Variants in THNSL1 observed in about 807,000 individuals in gnomAD.
THNSL1 encodes the protein threonine synthase-like 1.
A neutral mutation model predicts 50.4 loss-of-function variants in THNSL1; 48 were observed. That is an observed-to-expected ratio of 0.95 (90% CI 0.76 to 1.21). The LOEUF (loss-of-function observed/expected upper bound fraction) is 1.21, where lower values mean the gene tolerates loss of function less well. THNSL1 is among the 50% of genes most tolerant of loss of function. THNSL1 has a pLI of 0.00. For missense variants in THNSL1, 896 were observed against 871.7 expected, an observed-to-expected ratio of 1.03 and a Z score of -0.35; for synonymous variants, 309 against 306.1, an observed-to-expected ratio of 1.01 and a Z score of -0.10.
chr10:25,013,357 T>C (rs1850494338), upstream of THNSL1, among the ~76,000 whole-genome samples: 1 of 152,236 alleles, frequency 6.6e-6, no homozygotes, highest in Non-Finnish European at 1.5e-5. Flanking sequence ...AATGCAAAAC[T>C]ATCTCCATAG....
chr10:25,005,588 T>C, the THNSL1 span, among the ~76,000 whole-genome samples: 1 of 152,200 alleles, frequency 6.6e-6, no homozygotes, highest in African/African-American at 2.4e-5. Flanking sequence ...GCCTAGGCTG[T>C]GTTAGAAAGC....
At chr10:24,980,711 TTTTG>T in the THNSL1 span, among the ~76,000 whole-genome samples, 8 of 152,038 alleles carry the variant, frequency 5.3e-5, no homozygotes, top group African/African-American at 9.7e-5. Flanking sequence ...GTTGGGTGTT[TTTTG>T]TTTGTTTGTT....
At chr10:24,963,830 C>T in the THNSL1 span, among the ~76,000 whole-genome samples, 7 of 152,134 alleles carry the variant, frequency 4.6e-5, no homozygotes, top group East Asian at 1.9e-4. Context: ...ATTCTAGGAA[C>T]GTCTGAAGAT....
the THNSL1 span, among the ~76,000 whole-genome samples, chr10:24,962,090 G>A: frequency 1.3e-3 from 199 of 152,294 alleles, no homozygotes; most frequent in Non-Finnish European, 1.4e-3. Context: ...TGTTATTAAT[G>A]ATGAACAGGT....
chr10:25,024,202 A>G lies in THNSL1; in HGVS notation c.979A>G (p.Ile327Val), dbSNP rs145829113. 1 of 1,614,068 alleles carries G rather than the reference A, an allele frequency of 6.2e-7. No individual in the cohort carries two copies. The highest frequency in any genetic ancestry group is 2.2e-5 in the East Asian group (1 of 44,896). The change falls in exon 3 of 3, where the codon ATT becomes GTT. Residue 327 changes from isoleucine to valine, a missense_variant. Transcript: ENST00000376356. ...TGGGGAAAACTTTGCCTGCTCAAAA[A>G]TTGCTCCTGTCAGGCACCTTTCAGG... Reference protein sequence around the residue: ...AYGENFACSKIAPVRHLSGNQ... With the variant: ...AYGENFACSKVAPVRHLSGNQ...
At chr10:24,978,526 A>T in the THNSL1 span, among the ~76,000 whole-genome samples, 1 of 151,058 alleles carries the variant, frequency 6.6e-6, no homozygotes, top group African/African-American at 2.4e-5. Context: ...TATAAATAAT[A>T]GCACTGGCTT....
At chr10:25,022,479 C>G (rs1850741355) in intron 2 of THNSL1, among the ~76,000 whole-genome samples, 1 of 152,120 alleles carries the variant, frequency 6.6e-6, no homozygotes, top group East Asian at 1.9e-4. Context: ...TACCTTTCAC[C>G]TTGGCTCTTT....
Position 25,024,164 on chromosome 10 carries a change from T to C in THNSL1, c.941T>C (p.Ile314Thr). The C allele has an allele frequency of 6.2e-7, 1 of 1,614,186 alleles. No homozygotes were observed. The highest frequency in any genetic ancestry group is 8.5e-7 in the Non-Finnish European group (1 of 1,180,008). Residue 314 changes from isoleucine (I) to threonine (T), a missense_variant, in exon 3 of 3, where the codon ATT becomes ACT. Physicochemically the swap from Ile to Thr is moderately conservative, Grantham distance 89. Coordinates refer to ENST00000376356, the MANE Select transcript of THNSL1 (RefSeq NM_024838.5). The part of the protein sequence containing the change: ...DIPAARLGEM[I>T]ETAYGENFAC... ...CCTGCTGCCAGGTTGGGAGAAATGATTGAAACTGCTTATGGGGAAAACTTT... is the reference window on the plus strand; with the variant it reads ...CCTGCTGCCAGGTTGGGAGAAATGACTGAAACTGCTTATGGGGAAAACTTT...
At chr10:24,983,934 A>C in the THNSL1 span, 1 of 155,588 alleles carries the variant, frequency 6.4e-6, no homozygotes, top group East Asian at 1.9e-4. Context: ...TAGATTATGT[A>C]ATCTTACAAA....
chr10:25,010,323 C>A, the THNSL1 span, among the ~76,000 whole-genome samples: 7 of 152,092 alleles, frequency 4.6e-5, no homozygotes, highest in Non-Finnish European at 1.0e-4. Context: ...AGAGATGATT[C>A]CGGGCATCTG....
At chr10:24,959,908 A>G in the THNSL1 span, among the ~76,000 whole-genome samples, 1 of 152,230 alleles carries the variant, frequency 6.6e-6, no homozygotes, top group East Asian at 1.9e-4. Flanking sequence ...AGGAATTTAA[A>G]TGAAAATGGC....
the THNSL1 span, among the ~76,000 whole-genome samples, chr10:24,970,364 A>T: frequency 1.3e-5 from 2 of 152,208 alleles, no homozygotes; most frequent in Non-Finnish European, 2.9e-5. Flanking sequence ...TCTTTTAAAT[A>T]GGCAGATGAT....
Position 25,017,831 on chromosome 10 carries a change from A to G in THNSL1, c.-216+1139A>G, listed in dbSNP as rs987235506. On this transcript the variant is annotated intron_variant, in intron 1 of 2. Coordinates refer to ENST00000376356, the MANE Select transcript of THNSL1 (RefSeq NM_024838.5). ...TTATGTTTGGGATTTCTGTTTAGCA[A>G]GTATAGAGAAAAAATTTGGCGGGAA... 1.6e-4 allele frequency among the ~76,000 whole-genome samples: 24 copies of G among 152,084 alleles called. 1 individual carries two copies.
At chr10:24,988,712 A>ATG in the THNSL1 span, among the ~76,000 whole-genome samples, 7 of 22,184 alleles carry the variant, frequency 3.2e-4, no homozygotes, top group African/African-American at 1.7e-3. Context: ...ATATATATAT[A>ATG]TATATATATA....
chr10:24,973,414 G>A, the THNSL1 span, among the ~76,000 whole-genome samples: 4 of 151,868 alleles, frequency 2.6e-5, no homozygotes, highest in East Asian at 5.8e-4. Context: ...GGAGCAGGAC[G>A]GTGCAAGATT....
chr10:25,016,997 C>T (rs944368929), intron 1 of THNSL1, among the ~76,000 whole-genome samples: 1 of 152,166 alleles, frequency 6.6e-6, no homozygotes, highest in Non-Finnish European at 1.5e-5. Context: ...GGGCCCGCGG[C>T]CTCCTCCGCC....
chr10:24,969,642 G>A, the THNSL1 span, among the ~76,000 whole-genome samples: 3 of 150,792 alleles, frequency 2.0e-5, no homozygotes, highest in Non-Finnish European at 2.9e-5. Flanking sequence ...GTTTCAAAAC[G>A]GCTACTTAAG....
the THNSL1 span, among the ~76,000 whole-genome samples, chr10:24,976,442 ATC>A: frequency 6.6e-6 from 1 of 152,130 alleles, no homozygotes; most frequent in South Asian, 2.1e-4. Flanking sequence ...TAACTCGTCT[ATC>A]TCACTGTTTA....
chr10:24,965,929 T>C, the THNSL1 span, among the ~76,000 whole-genome samples: 1 of 152,262 alleles, frequency 6.6e-6, no homozygotes, highest in Non-Finnish European at 1.5e-5. Flanking sequence ...AGAGGTTGTG[T>C]AACTTGGGAG....
Sources: allele counts gnomAD v4.1 joint callset (sites outside exome capture counted in the v4.1 genomes callset), GRCh38; gene constraint gnomAD v4.1.1; transcripts MANE v1.5; gene names NCBI Gene and HGNC (gene_info 2026-07-23, HGNC 2026-07-21).